ITM2C: variants seen among roughly 807,000 people sequenced by gnomAD.
The protein encoded by ITM2C is integral membrane protein 2C.
ITM2C carries 20 observed loss-of-function variants against 30.0 expected under a neutral mutation model. The ratio of observed to expected loss-of-function variants is 0.67; its 90% CI spans 0.47 to 0.97. ITM2C has a LOEUF of 0.97. Among genes scored for constraint, ITM2C ranks in the 50% least tolerant of loss-of-function variants. The pLI, the probability that ITM2C is intolerant of heterozygous loss-of-function variation, is 0.00. For missense variants in ITM2C, 366 were observed against 371.9 expected, an observed-to-expected ratio of 0.98 and a Z score of 0.13; for synonymous variants, 167 against 156.4, an observed-to-expected ratio of 1.07 and a Z score of -0.51.
In ITM2C at chr2:230,865,673, G is replaced by T. The variant is rs1160944974; in HGVS notation, c.120+528G>T. On this transcript the variant is annotated intron_variant, in intron 1 of 5. Coordinates refer to ENST00000326427, the MANE Select transcript of ITM2C (RefSeq NM_030926.6). This position sits in a 1 kb window ranked among gnomAD's most constrained non-coding sequence, Gnocchi z 6.8. ...GCCGTTGATTTCCTCCGAAATTGGG[G>T]GCTGCGAGGGACAGAGGATGTGCTG... is the stretch of plus-strand genomic sequence containing the variant. The T allele has an allele frequency of 1.3e-5, 2 of 152,762 alleles. No homozygotes were observed. The highest frequency in any genetic ancestry group is 2.9e-5 in the Non-Finnish European group (2 of 68,500). The allele number at this position is 152,762 out of a possible 1,614,324, so 9.5% of individuals were successfully genotyped here.
chr2:230,872,715 G>T (rs1258314352), intron 1 of ITM2C, among the ~76,000 whole-genome samples: 1 of 152,118 alleles, frequency 6.6e-6, no homozygotes, highest in Non-Finnish European at 1.5e-5. Flanking sequence ...TGCCTGTGGG[G>T]GGCCAGTGTG....
At chr2:230,864,923 C>A, upstream of ITM2C, 2 of 1,242,884 alleles carry the variant, frequency 1.6e-6, no homozygotes, top group Non-Finnish European at 2.0e-6. The surrounding 1 kb of genome is among the most constrained non-coding windows in gnomAD (Gnocchi z 4.3). Context: ...GGGACGCGAG[C>A]GGGATCCAAA....
In ITM2C at chr2:230,868,770, G is replaced by A. The variant is rs1574590161; in HGVS notation, c.120+3625G>A. ...CGTGCCAGCCAGGAGGGCAAATCTG[G>A]CCAGCTTAGCCCTACCCCAGTGTCC... On this transcript the variant is annotated intron_variant, in intron 1 of 5. Transcript: ENST00000326427. Among the ~76,000 whole-genome samples the A allele has an allele frequency of 2.6e-5, 4 of 152,188 alleles. No individual in the cohort carries two copies. The South Asian group carries it at 8.3e-4, about 32-fold the overall frequency.
chr2:230,872,099 GA>G (rs998570084), intron 1 of ITM2C, among the ~76,000 whole-genome samples: 39 of 152,382 alleles, frequency 2.6e-4, no homozygotes, highest in African/African-American at 9.1e-4. Context: ...TCATTTTGCA[GA>G]TGGGGAAGCC....
chr2:230,877,341 G>T lies in ITM2C; in HGVS notation c.562-59G>T. The stretch of plus-strand genomic sequence containing the variant: ...AGGGAGGTGGGCTGGCATTTCGGGC[G>T]AGGGGTTGGACGAAAGCCTGAGGGG... On this transcript the variant is annotated intron_variant, in intron 4 of 5. Coordinates refer to ENST00000326427, the MANE Select transcript of ITM2C (RefSeq NM_030926.6). The surrounding 1 kb of genome is among the most constrained non-coding windows in gnomAD (Gnocchi z 4.8). 1.9e-6 allele frequency: 3 copies of T among 1,578,696 alleles called. No homozygotes were observed. The highest frequency in any genetic ancestry group is 1.1e-5 in the South Asian group (1 of 88,274).
At chr2:230,876,139 G>A (rs931566732) in intron 3 of ITM2C, among the ~76,000 whole-genome samples, 9 of 152,104 alleles carry the variant, frequency 5.9e-5, no homozygotes, top group East Asian at 1.9e-4. Flanking sequence ...GGTCTCATGC[G>A]TATTCATGTA....
At chr2:230,869,069 G>C (rs1162956028) in intron 1 of ITM2C, among the ~76,000 whole-genome samples, 1 of 152,204 alleles carries the variant, frequency 6.6e-6, no homozygotes, top group Non-Finnish European at 1.5e-5. Context: ...TTAGTGTGGA[G>C]AAAAAATGTT....
At position 230,878,061 on chromosome 2, in the gene ITM2C, A is replaced by G. The variant is rs781326792; in HGVS notation, c.766A>G (p.Thr256Ala). Residue 256 changes from threonine (T) to alanine (A), a missense_variant, in exon 6 of 6, where the codon ACC (threonine) becomes GCC (alanine). Physicochemically the swap from Thr to Ala is moderately conservative, Grantham distance 58 (BLOSUM62 0). Coordinates refer to ENST00000326427, the MANE Select transcript of ITM2C (RefSeq NM_030926.6). The surrounding 1 kb of genome is among the most constrained non-coding windows in gnomAD (Gnocchi z 4.5). ...CAATGCCATCCGCCACTTCGAGAACACCTTCGTGGTGGAGACGCTCATCTG... is the reference window on the plus strand; with the variant it reads ...CAATGCCATCCGCCACTTCGAGAACGCCTTCGTGGTGGAGACGCTCATCTG... The part of the protein sequence containing the change: ...NCNAIRHFEN[T>A]FVVETLICGV... 1.2e-6 allele frequency: 2 copies of G among 1,605,014 alleles called. No individual in the cohort carries two copies. Among genetic ancestry groups the G allele is most frequent in the South Asian group, 1.1e-5 (1 of 89,856 alleles).
Position 230,877,959 on chromosome 2 carries a change from G to T in ITM2C, c.713-49G>T. The T allele has an allele frequency of 2.0e-6, 3 of 1,485,952 alleles. No individual in the cohort carries two copies. In the South Asian group the frequency reaches 3.4e-5, roughly 17 times the overall value. The allele number at this position is 1,485,952 out of a possible 1,614,324, so 92.0% of individuals were successfully genotyped here. A position where few individuals can be genotyped will look rare whatever the true frequency, so the allele number is the denominator to read the frequency against. On this transcript the variant is annotated intron_variant, in intron 5 of 5. Coordinates refer to ENST00000326427, the MANE Select transcript of ITM2C (RefSeq NM_030926.6). This position sits in a 1 kb window ranked among gnomAD's most constrained non-coding sequence, Gnocchi z 4.8. ...TCAGGCTGAGGCTGGTGGTCTTTGT[G>T]ACTCAGCCAGGATGCAGGGCTCACT...
In ITM2C at chr2:230,878,033, C is replaced by G; in HGVS notation, c.738C>G (p.Asn246Lys). The G allele has an allele frequency of 6.2e-7, 1 of 1,612,086 alleles. No individual in the cohort carries two copies. The highest frequency in any genetic ancestry group is 8.5e-7 in the Non-Finnish European group (1 of 1,178,954). Residue 246 changes from asparagine to lysine, a missense_variant, in exon 6 of 6, where the codon AAC becomes AAG. Asn to Lys is a moderately conservative substitution (Grantham distance 94, BLOSUM62 0). Coordinates refer to ENST00000326427, the MANE Select transcript of ITM2C (RefSeq NM_030926.6). The surrounding 1 kb of genome is among the most constrained non-coding windows in gnomAD (Gnocchi z 4.5). ...RRRINKRGAK[N>K]CNAIRHFENT... is the part of the protein sequence containing the mutation. ...GGATCAACAAGCGTGGGGCCAAGAA[C>G]TGCAATGCCATCCGCCACTTCGAGA...
At chr2:230,870,856 G>A (rs760346801) in intron 1 of ITM2C, among the ~76,000 whole-genome samples, 77 of 151,968 alleles carry the variant, frequency 5.1e-4, no homozygotes, top group African/African-American at 7.7e-4. Flanking sequence ...GCTCTCCCAC[G>A]TAGCGCTTTG....
chr2:230,875,806 C>G lies in ITM2C; in HGVS notation c.448C>G (p.Arg150Gly), dbSNP rs146175008. Residue 150 changes from arginine to glycine, a missense_variant and splice_region_variant, in exon 3 of 6, where the codon CGG (arginine) becomes GGG (glycine). Physicochemically the swap from Arg to Gly is moderately radical, Grantham distance 125 (BLOSUM62 -2). Transcript: ENST00000326427. The part of the protein sequence containing the change: ...DPADIIHDFQ[R>G]GLTAYHDISL... ...TGCAGACATCATCCATGACTTCCAGCGGGTGAGGCTGGCCAGGGCCTGGGG... is the reference window on the plus strand; with the variant it reads ...TGCAGACATCATCCATGACTTCCAGGGGGTGAGGCTGGCCAGGGCCTGGGG... 6.4e-6 allele frequency: 9 copies of G among 1,413,376 alleles called. No individual in the cohort carries two copies. The African/African-American group carries it at 1.6e-4, about 25-fold the overall frequency. 87.6% of individuals were successfully genotyped at this position (1,413,376 alleles called of 1,614,324 possible). A position where few individuals can be genotyped will look rare whatever the true frequency, so the allele number is the denominator to read the frequency against.
chr2:230,878,407 A>T lies in ITM2C; in HGVS notation c.*308A>T. The T allele has an allele frequency of 6.4e-5, 11 of 172,400 alleles. No individual in the cohort carries two copies. The highest frequency in any genetic ancestry group is 1.6e-4 in the East Asian group (1 of 6,352). The allele number at this position is 172,400 out of a possible 1,614,324, so 10.7% of individuals were successfully genotyped here. On this transcript the variant is annotated 3_prime_UTR_variant, in exon 6 of 6. Coordinates refer to ENST00000326427, the MANE Select transcript of ITM2C (RefSeq NM_030926.6). This position sits in a 1 kb window ranked among gnomAD's most constrained non-coding sequence, Gnocchi z 4.5. Reference sequence around the variant, plus strand: ...GGCCCACAGCTGCACCGGCAGCCCAAGGGGAAGGACCGGTTGGGGGAGCCG... The same window carrying T: ...GGCCCACAGCTGCACCGGCAGCCCATGGGGAAGGACCGGTTGGGGGAGCCG...
At position 230,877,906 on chromosome 2, in the gene ITM2C, T is replaced by A; in HGVS notation, c.713-102T>A. 1 of 880,940 alleles carries A rather than the reference T, an allele frequency of 1.1e-6. No individual in the cohort carries two copies. Among genetic ancestry groups the A allele is most frequent in the East Asian group, 2.5e-5 (1 of 39,660 alleles). 54.6% of individuals were successfully genotyped at this position (880,940 alleles called of 1,614,324 possible). Reference sequence around the variant, plus strand: ...TGCTCTTTGGGTGAATCTGGGTGAATGGTGTCACTTCCTGGCCCTCCTGTG... The same window carrying A: ...TGCTCTTTGGGTGAATCTGGGTGAAAGGTGTCACTTCCTGGCCCTCCTGTG... On this transcript the variant is annotated intron_variant, in intron 5 of 5. Transcript: ENST00000326427. The surrounding 1 kb of genome is among the most constrained non-coding windows in gnomAD (Gnocchi z 4.8).
At chr2:230,872,496 T>C (rs1697190504) in intron 1 of ITM2C, among the ~76,000 whole-genome samples, 1 of 152,138 alleles carries the variant, frequency 6.6e-6, no homozygotes, top group African/African-American at 2.4e-5. Context: ...GGCCTGGAGA[T>C]GGGTTAGGTT....
intron 3 of ITM2C, 121 bp from the exon 4 acceptor site, chr2:230,876,736 T>G (rs1697307497): frequency 1.5e-6 from 1 of 649,560 alleles, no homozygotes. Flanking sequence ...CGCCTCAGCC[T>G]CCCAAAGTGC....
chr2:230,874,604 A>G (rs1697244332), intron 2 of ITM2C, among the ~76,000 whole-genome samples: 1 of 152,164 alleles, frequency 6.6e-6, no homozygotes, highest in Non-Finnish European at 1.5e-5. Context: ...GTGTCCAGCC[A>G]CTGTGGGATG....
chr2:230,876,088 G>A (rs994043766), intron 3 of ITM2C, among the ~76,000 whole-genome samples: 3 of 152,118 alleles, frequency 2.0e-5, no homozygotes, highest in Non-Finnish European at 4.4e-5. Flanking sequence ...ATTCACCATC[G>A]AGTGCATTGC....
chr2:230,870,322 C>T lies in ITM2C; in HGVS notation c.121-3095C>T, dbSNP rs548591187. ...TGGGGCTTTATGGAGGAAATGCCTT[C>T]GCCTCCAAGCAGGGACATCTGCGCT... On this transcript the variant is annotated intron_variant, in intron 1 of 5. Coordinates refer to ENST00000326427, the MANE Select transcript of ITM2C (RefSeq NM_030926.6). Among the ~76,000 whole-genome samples, 185 of 152,352 alleles carry T rather than the reference C, an allele frequency of 1.2e-3. 1 individual carries two copies. The highest frequency in any genetic ancestry group is 4.2e-3 in the African/African-American group (176 of 41,578).
Sources: allele counts gnomAD v4.1 joint callset (sites outside exome capture counted in the v4.1 genomes callset), GRCh38; gene constraint gnomAD v4.1.1; non-coding constraint Gnocchi (gnomAD v3.1); transcripts MANE v1.5; gene names NCBI Gene and HGNC (gene_info 2026-07-23, HGNC 2026-07-21).